Variants in SNX12 observed in about 807,000 individuals in gnomAD.
SNX12 encodes sorting nexin-12.
For missense variants in SNX12, 62 were observed against 141.3 expected, an observed-to-expected ratio of 0.44 and a Z score of 2.84; for synonymous variants, 47 against 56.0, an observed-to-expected ratio of 0.84 and a Z score of 0.71.
upstream of SNX12, chrX:71,068,425 GCGCACGCGC>G: frequency 1.7e-6 from 1 of 579,763 alleles, no homozygotes; most frequent in East Asian, 4.1e-5. Flanking sequence ...CGGCGGCGGC[GCGCACGCGC>G]GCCCACGCAC....
chrX:71,068,059 T>C, intron 1 of SNX12, 83 bp downstream of exon 1: 3 of 951,549 alleles, frequency 3.2e-6, no homozygotes, highest in South Asian at 2.4e-5. Context: ...CCGCCGTTAG[T>C]TGCCCCCGCG....
At chrX:71,073,053 C>CACAT (rs1402921542), upstream of SNX12, among the ~76,000 whole-genome samples, 9 of 109,766 alleles carry the variant, frequency 8.2e-5, no homozygotes, top group African/African-American at 3.0e-4. Context: ...CACACACACA[C>CACAT]ACACACACAC....
upstream of SNX12, among the ~76,000 whole-genome samples, chrX:71,071,541 A>G (rs1227005381): frequency 1.3e-4 from 8 of 61,049 alleles, 1 homozygote; most frequent in Admixed American, 1.2e-3. Flanking sequence ...ATATTTATAT[A>G]TATTATATAT....
upstream of SNX12, among the ~76,000 whole-genome samples, chrX:71,069,247 CCTCTA>C (rs1314448891): frequency 8.9e-6 from 1 of 112,169 alleles, no homozygotes; most frequent in Non-Finnish European, 1.9e-5. Flanking sequence ...CCCCTGCCCT[CCTCTA>C]CTCAAAAAAT....
chrX:71,071,664 ATTAT>A (rs1268746356), upstream of SNX12, among the ~76,000 whole-genome samples: 5 of 54,311 alleles, frequency 9.2e-5, no homozygotes, highest in East Asian at 2.4e-3. Context: ...ATTATATATA[ATTAT>A]TTATATATAA....
rs781081114 is a variant in SNX12, at chrX:71,060,976, T to C, written c.*40A>G. ...AGGCTTAGTGTAAAAACCAATGTCA[T>C]TTCAGCAGGAAAGTAGAGGGCAGGT... is the stretch of plus-strand genomic sequence containing the variant. On this transcript the variant is annotated 3_prime_UTR_variant, in exon 4 of 4. Transcript: ENST00000374274. 9.6e-7 allele frequency: 1 copy of C among 1,044,532 alleles called. No individual in the cohort carries two copies. Among genetic ancestry groups the C allele is most frequent in the African/African-American group, 1.9e-5 (1 of 53,863 alleles). The allele number at this position is 1,044,532 out of a possible 1,213,427, so 86.1% of individuals were successfully genotyped here.
upstream of SNX12, among the ~76,000 whole-genome samples, chrX:71,073,096 C>G (rs1224561255): frequency 9.2e-6 from 1 of 109,252 alleles, no homozygotes; most frequent in Non-Finnish European, 1.9e-5. Context: ...AGTCAAATCT[C>G]TTGACAAACA....
chrX:71,068,796 A>G (rs1295726154), upstream of SNX12, among the ~76,000 whole-genome samples: 2 of 112,103 alleles, frequency 1.8e-5, no homozygotes, highest in African/African-American at 6.5e-5. Flanking sequence ...GGGTTCCAAC[A>G]ATAGTACTGA....
intron 2 of SNX12, 45 bp from the exon 3 acceptor site, chrX:71,062,012 G>A (rs2092133227): frequency 8.7e-7 from 1 of 1,147,902 alleles, no homozygotes; most frequent in Non-Finnish European, 1.2e-6. Context: ...GAGAGACAGA[G>A]TGGGAATGAG....
chrX:71,069,988 G>A (rs1014159634), upstream of SNX12, among the ~76,000 whole-genome samples: 7 of 110,183 alleles, frequency 6.4e-5, no homozygotes, highest in Admixed American at 4.9e-4. Flanking sequence ...GAGAGAGAGC[G>A]AAAGAAAGAA....
At chrX:71,064,862 C>T (rs1322126858) in intron 1 of SNX12, among the ~76,000 whole-genome samples, 1 of 112,931 alleles carries the variant, frequency 8.9e-6, no homozygotes, top group Non-Finnish European at 1.9e-5. Flanking sequence ...TCCATTAGAG[C>T]TTCACACAGA....
At chrX:71,064,111 G>C (rs1010753395) in intron 1 of SNX12, among the ~76,000 whole-genome samples, 4 of 111,639 alleles carry the variant, frequency 3.6e-5, no homozygotes, top group Admixed American at 1.9e-4. Flanking sequence ...GGGTGGAATA[G>C]TCACATTTTT....
intron 1 of SNX12, among the ~76,000 whole-genome samples, chrX:71,065,642 A>G (rs2092149915): frequency 9.0e-6 from 1 of 110,955 alleles, no homozygotes; most frequent in African/African-American, 3.3e-5. Flanking sequence ...TGTCTCTACT[A>G]AAAATACAAA....
In SNX12 at chrX:71,062,923, C is replaced by T. The variant is rs1437830115; in HGVS notation, c.192G>A (p.Lys64=). The stretch of plus-strand genomic sequence containing the variant: ...TGTAGCGCCGCCGTACGCAGGACTC[C>T]TTTAGCTTGAAGATAGGTAGGTTTG... The part of the protein sequence containing the change: ...MRTNLPIFKL[K]ESCVRRRYSD... Residue 64 remains lysine (K), a synonymous_variant, in exon 2 of 4, where the codon AAG becomes AAA. Coordinates refer to ENST00000374274, the MANE Select transcript of SNX12 (RefSeq NM_013346.4). 5.0e-6 allele frequency: 6 copies of T among 1,205,132 alleles called. No homozygotes were observed. The highest frequency in any genetic ancestry group is 2.2e-5 in the Admixed American group (1 of 45,868).
At chrX:71,061,772 A>G (rs1273341176) in intron 3 of SNX12, 71 bp downstream of exon 3, 10 of 907,360 alleles carry the variant, frequency 1.1e-5, no homozygotes, top group Middle Eastern at 2.7e-4. Context: ...ATAAAAGGTG[A>G]GGTAAACAAA....
At chrX:71,064,016 A>G (rs1402571476) in intron 1 of SNX12, among the ~76,000 whole-genome samples, 1 of 111,814 alleles carries the variant, frequency 8.9e-6, no homozygotes, top group Non-Finnish European at 1.9e-5. Flanking sequence ...GTATATGTAT[A>G]TATTTATACT....
chrX:71,068,121 C>T, intron 1 of SNX12, 21 bp downstream of exon 1: 2 of 1,178,741 alleles, frequency 1.7e-6, no homozygotes, highest in Non-Finnish European at 2.3e-6. Context: ...CCTCAGCTGT[C>T]TCCCTCACCC....
intron 1 of SNX12, 48 bp downstream of exon 1, chrX:71,068,094 C>A (rs771877489): frequency 1.8e-6 from 2 of 1,095,598 alleles, no homozygotes; most frequent in South Asian, 4.6e-5. Flanking sequence ...CCCTCCCGCT[C>A]GCGCCGCCCG....
intron 1 of SNX12, among the ~76,000 whole-genome samples, chrX:71,065,118 C>T (rs1232966244): frequency 8.9e-6 from 1 of 112,175 alleles, no homozygotes; most frequent in Non-Finnish European, 1.9e-5. Context: ...CGCCTGTAAT[C>T]CCAGCACTTT....
Sources: allele counts gnomAD v4.1 joint callset (sites outside exome capture counted in the v4.1 genomes callset), GRCh38; gene constraint gnomAD v4.1.1; transcripts MANE v1.5; gene names NCBI Gene and HGNC (gene_info 2026-07-23, HGNC 2026-07-21).